The following LCLAT1 variants were observed in gnomAD, a reference collection of about 807,000 sequenced individuals.
LCLAT1 encodes 1-AGP acyltransferase 8.
In LCLAT1, 11 loss-of-function variants were observed where a neutral mutation model predicts 30.7. The ratio of observed to expected loss-of-function variants is 0.36; its 90% CI spans 0.23 to 0.59. The LOEUF (loss-of-function observed/expected upper bound fraction) is 0.59. Among genes scored for constraint, LCLAT1 ranks in the 20% least tolerant of loss-of-function variants. LCLAT1 has a pLI of 0.77. For missense variants in LCLAT1, 402 were observed against 458.6 expected (o/e 0.88, Z 1.13); for synonymous variants, 155 against 151.3 (o/e 1.02, Z -0.18).
intron 1 of LCLAT1, among the ~76,000 whole-genome samples, chr2:30,493,624 C>T (rs1683943882): frequency 6.6e-6 from 1 of 152,138 alleles, no homozygotes; most frequent in South Asian, 2.1e-4. Context: ...AGTCAAGATA[C>T]AGAACAGCTC....
intron 1 of LCLAT1, among the ~76,000 whole-genome samples, chr2:30,498,773 G>A (rs553593090): frequency 6.6e-6 from 1 of 152,056 alleles, no homozygotes; most frequent in Admixed American, 6.6e-5. Context: ...TTCTTTATAC[G>A]GTATTTCTCT....
intron 5 of LCLAT1, among the ~76,000 whole-genome samples, chr2:30,585,610 A>G (rs1342454350): frequency 1.3e-5 from 2 of 152,188 alleles, no homozygotes; most frequent in Non-Finnish European, 2.9e-5. Flanking sequence ...TTTTACTCTC[A>G]TTAAGATCTC....
At chr2:30,522,162 C>T (rs1009363687) in intron 1 of LCLAT1, among the ~76,000 whole-genome samples, 1 of 152,146 alleles carries the variant, frequency 6.6e-6, no homozygotes, top group East Asian at 1.9e-4. Flanking sequence ...TGAATAATTA[C>T]GTATAGGTTT....
At chr2:30,450,742 A>G (rs903498127) in intron 1 of LCLAT1, among the ~76,000 whole-genome samples, 20 of 152,236 alleles carry the variant, frequency 1.3e-4, no homozygotes, top group Admixed American at 1.2e-3. Flanking sequence ...AAGTCAAAGC[A>G]AGGGGGAGAA....
chr2:30,531,087 A>G (rs531100479), intron 2 of LCLAT1, among the ~76,000 whole-genome samples: 9 of 152,042 alleles, frequency 5.9e-5, no homozygotes, highest in Non-Finnish European at 1.3e-4. Context: ...AACGTGGTGA[A>G]ATCCTGTCTC....
intron 5 of LCLAT1, among the ~76,000 whole-genome samples, chr2:30,621,530 A>G (rs1026111374): frequency 2.3e-4 from 35 of 152,310 alleles, no homozygotes; most frequent in African/African-American, 8.2e-4. Flanking sequence ...AATACTGCAG[A>G]AACATAAAAG....
intron 1 of LCLAT1, among the ~76,000 whole-genome samples, chr2:30,470,844 T>C (rs993001759): frequency 6.6e-6 from 1 of 152,192 alleles, no homozygotes; most frequent in African/African-American, 2.4e-5. Flanking sequence ...TGTAGATTGC[T>C]TTGAGTAGTA....
At chr2:30,492,504 C>G (rs1683884008) in intron 1 of LCLAT1, among the ~76,000 whole-genome samples, 2 of 150,956 alleles carry the variant, frequency 1.3e-5, no homozygotes, top group Non-Finnish European at 2.9e-5. Context: ...TAACTTGGGG[C>G]CAGACTGTAG....
chr2:30,452,623 T>G (rs1681614696), intron 1 of LCLAT1, among the ~76,000 whole-genome samples: 1 of 152,236 alleles, frequency 6.6e-6, no homozygotes, highest in African/African-American at 2.4e-5. Flanking sequence ...GTTTTATTTT[T>G]TGGGAAAATT....
At chr2:30,508,491 C>G (rs1301513938) in intron 1 of LCLAT1, among the ~76,000 whole-genome samples, 2 of 151,864 alleles carry the variant, frequency 1.3e-5, no homozygotes, top group African/African-American at 2.4e-5. Context: ...TCTTCTAGAA[C>G]CATTTATTGA....
intron 5 of LCLAT1, among the ~76,000 whole-genome samples, chr2:30,620,765 C>T (rs1254036129): frequency 6.6e-6 from 1 of 152,138 alleles, no homozygotes; most frequent in African/African-American, 2.4e-5. Context: ...AACTTCGTGG[C>T]TTAAAACAAT....
chr2:30,558,907 TTATC>T (rs775572425), intron 3 of LCLAT1, among the ~76,000 whole-genome samples: 1 of 152,186 alleles, frequency 6.6e-6, no homozygotes, highest in Non-Finnish European at 1.5e-5. Context: ...AGGTACAAGA[TTATC>T]TATATTAACT....
intron 5 of LCLAT1, among the ~76,000 whole-genome samples, chr2:30,577,516 ATAACT>A (rs1200779788): frequency 2.0e-5 from 3 of 152,140 alleles, no homozygotes; most frequent in South Asian, 2.1e-4. Context: ...GTGGTAATTA[ATAACT>A]TAATCCACAT....
At chr2:30,489,905 A>G (rs927630621) in intron 1 of LCLAT1, among the ~76,000 whole-genome samples, 5 of 152,250 alleles carry the variant, frequency 3.3e-5, no homozygotes, top group Non-Finnish European at 5.9e-5. Context: ...ACTTGTGTCT[A>G]AATCCAAACT....
intron 1 of LCLAT1, among the ~76,000 whole-genome samples, chr2:30,490,653 A>G (rs941418617): frequency 6.6e-6 from 1 of 152,242 alleles, no homozygotes; most frequent in Non-Finnish European, 1.5e-5. Context: ...TAAATGCTTC[A>G]TGTTGGAGAA....
At chr2:30,479,253 A>G (rs1683208303) in intron 1 of LCLAT1, among the ~76,000 whole-genome samples, 1 of 151,384 alleles carries the variant, frequency 6.6e-6, no homozygotes, top group Non-Finnish European at 1.5e-5. Context: ...TTTTTGGGAC[A>G]GGGTCTCATT....
At chr2:30,585,022 T>A (rs1457719914) in intron 5 of LCLAT1, among the ~76,000 whole-genome samples, 6 of 150,108 alleles carry the variant, frequency 4.0e-5, no homozygotes. Context: ...TATATCAGAG[T>A]GATGTTGTAG....
intron 3 of LCLAT1, among the ~76,000 whole-genome samples, chr2:30,548,204 G>A (rs1174602775): frequency 1.3e-5 from 2 of 152,108 alleles, no homozygotes; most frequent in African/African-American, 4.8e-5. Flanking sequence ...ATATACGTTT[G>A]TTGACGAAAA....
At chr2:30,547,871 A>G (rs750373263) in intron 3 of LCLAT1, among the ~76,000 whole-genome samples, 8 of 152,030 alleles carry the variant, frequency 5.3e-5, no homozygotes, top group Non-Finnish European at 7.4e-5. Context: ...GCTTTCCCCT[A>G]TTTCACCAAG....
Sources: gnomAD v4.1 joint callset for allele counts (sites outside exome capture counted in the v4.1 genomes callset) on GRCh38, gnomAD v4.1.1 for gene constraint, MANE v1.5 for transcripts, NCBI Gene and HGNC (gene_info 2026-07-23, HGNC 2026-07-21) for gene names.